Variants in CERS6 observed in about 807,000 individuals in gnomAD.
CERS6 encodes ceramide synthase 6.
In CERS6, 26 loss-of-function variants were observed where a neutral mutation model predicts 56.8. That is an observed-to-expected ratio of 0.46 (90% confidence interval 0.34 to 0.63). The LOEUF is 0.63. CERS6 is among the 30% of genes least tolerant of loss of function. The pLI, the probability that CERS6 is intolerant of heterozygous loss-of-function variation, is 0.01. For synonymous variants in CERS6, 164 were observed against 173.3 expected, an observed-to-expected ratio of 0.95 and a Z score of 0.42; for missense variants, 415 against 467.5, an observed-to-expected ratio of 0.89 and a Z score of 1.04.
At chr2:168,517,408 C>G (rs959662003) in intron 1 of CERS6, among the ~76,000 whole-genome samples, 2 of 151,882 alleles carry the variant, frequency 1.3e-5, no homozygotes, top group African/African-American at 4.8e-5. Context: ...AGGAGAATTG[C>G]TTGAACCCAG....
intron 8 of CERS6, among the ~76,000 whole-genome samples, chr2:168,762,895 A>G (rs1354690473): frequency 4.5e-5 from 3 of 66,182 alleles, no homozygotes; most frequent in African/African-American, 9.0e-5. Flanking sequence ...TTTTTGAGAC[A>G]AGGTCTCTCA....
intron 1 of CERS6, among the ~76,000 whole-genome samples, chr2:168,500,217 T>G (rs1040736258): frequency 6.6e-6 from 1 of 152,228 alleles, no homozygotes; most frequent in African/African-American, 2.4e-5. Context: ...GGATGAAGTT[T>G]TACATTATTT....
chr2:168,742,188 GT>G (rs1371284045), intron 8 of CERS6, among the ~76,000 whole-genome samples: 4 of 152,152 alleles, frequency 2.6e-5, no homozygotes, highest in Non-Finnish European at 5.9e-5. Context: ...TCAATGTGAT[GT>G]TTCATCCCCT....
intron 4 of CERS6, among the ~76,000 whole-genome samples, chr2:168,689,837 C>G (rs909328695): frequency 6.6e-6 from 1 of 152,118 alleles, no homozygotes; most frequent in African/African-American, 2.4e-5. Flanking sequence ...TGGCTTTGTA[C>G]AGGAATCTGG....
At chr2:168,628,955 G>C (rs971969807) in intron 3 of CERS6, among the ~76,000 whole-genome samples, 1 of 151,616 alleles carries the variant, frequency 6.6e-6, no homozygotes, top group Non-Finnish European at 1.5e-5. Flanking sequence ...ACTATATCAG[G>C]GACTGGTAGC....
chr2:168,695,124 C>G (rs1686612834), intron 6 of CERS6, 73 bp downstream of exon 6: 1 of 1,079,344 alleles, frequency 9.3e-7, no homozygotes, highest in Admixed American at 1.8e-5. Flanking sequence ...GGTTTAGACT[C>G]TCAAAGGCAC....
intron 3 of CERS6, among the ~76,000 whole-genome samples, chr2:168,605,071 T>G (rs1192823374): frequency 6.6e-6 from 1 of 152,196 alleles, no homozygotes; most frequent in African/African-American, 2.4e-5. Context: ...GAGGAAAGTT[T>G]GGAACTTCCT....
chr2:168,670,967 C>CCT (rs1491201957), intron 4 of CERS6, among the ~76,000 whole-genome samples: 2 of 10,626 alleles, frequency 1.9e-4, no homozygotes, highest in Admixed American at 1.5e-3. Flanking sequence ...ATACATGCTT[C>CCT]CCCCCCCCCC....
At chr2:168,546,105 G>C (rs1368803628) in intron 1 of CERS6, among the ~76,000 whole-genome samples, 16 of 152,182 alleles carry the variant, frequency 1.1e-4, no homozygotes, top group Admixed American at 1.0e-3. Context: ...ACAAGTTCTA[G>C]ACTCTGTCTT....
At position 168,686,701 on chromosome 2, in the gene CERS6, C is replaced by T. The variant is rs146519069; in HGVS notation, c.466-4333C>T. ...ATTCTTCGTCACCCAGAGTACCCAG[C>T]GGAAGGCACAGTGGAAGAGCCCAGC... is the stretch of plus-strand genomic sequence containing the variant. On this transcript the variant is annotated intron_variant, in intron 4 of 9. Transcript: ENST00000305747. Among the ~76,000 whole-genome samples the T allele has an allele frequency of 6.1e-3, 932 of 152,194 alleles. 5 individuals carry two copies. Among genetic ancestry groups the T allele is most frequent in the Middle Eastern group, 0.014 (4 of 294 alleles).
intron 3 of CERS6, among the ~76,000 whole-genome samples, chr2:168,610,242 G>A (rs936018650): frequency 2.6e-5 from 4 of 152,070 alleles, no homozygotes; most frequent in African/African-American, 9.7e-5. Flanking sequence ...CTCCCAAAGT[G>A]CTGGGATTAC....
chr2:168,680,307 G>C (rs950422612), intron 4 of CERS6, among the ~76,000 whole-genome samples: 9 of 152,204 alleles, frequency 5.9e-5, no homozygotes, highest in Non-Finnish European at 8.8e-5. Flanking sequence ...ATCCAGGCAC[G>C]GGCATCTCAC....
At chr2:168,725,213 C>T (rs887735372) in intron 8 of CERS6, among the ~76,000 whole-genome samples, 7 of 152,276 alleles carry the variant, frequency 4.6e-5, no homozygotes, top group African/African-American at 7.2e-5. Flanking sequence ...GCCAAGCCCA[C>T]GCCCACCCGG....
intron 8 of CERS6, among the ~76,000 whole-genome samples, chr2:168,725,410 G>T (rs1293800313): frequency 1.3e-5 from 2 of 152,278 alleles, no homozygotes; most frequent in Non-Finnish European, 2.9e-5. Context: ...GGCACAGGAG[G>T]CGCCGAGAGC....
chr2:168,650,588 ACT>A (rs1685318813), intron 4 of CERS6, among the ~76,000 whole-genome samples: 1 of 151,680 alleles, frequency 6.6e-6, no homozygotes, highest in Admixed American at 6.6e-5. Context: ...AACTTGAAGT[ACT>A]CTCCCAGCCC....
At chr2:168,760,905 G>A (rs1037496776) in intron 8 of CERS6, among the ~76,000 whole-genome samples, 6 of 152,038 alleles carry the variant, frequency 3.9e-5, no homozygotes, top group South Asian at 2.1e-4. Flanking sequence ...ACAGGCGCCC[G>A]CCACCACGCC....
intron 3 of CERS6, among the ~76,000 whole-genome samples, chr2:168,609,974 G>GTTTTTTTTTTTTTTTTTTTTTTTTTTT (rs5836191): frequency 1.1e-5 from 1 of 93,820 alleles, no homozygotes; most frequent in Non-Finnish European, 1.9e-5. Context: ...AGATGTGACT[G>GTTTTTTTTTTTTTTTTTTTTTTTTTTT]TTTTTTTTTT....
intron 1 of CERS6, among the ~76,000 whole-genome samples, chr2:168,529,651 A>T (rs1223114401): frequency 2.0e-5 from 3 of 152,196 alleles, no homozygotes; most frequent in African/African-American, 7.2e-5. Flanking sequence ...GAGCAGAATG[A>T]CAGGAATCTG....
intron 6 of CERS6, among the ~76,000 whole-genome samples, chr2:168,697,528 A>G (rs911065368): frequency 4.7e-5 from 7 of 150,050 alleles, no homozygotes; most frequent in African/African-American, 1.7e-4. Context: ...AAACTCTTAT[A>G]TAACAGAGAG....
Sources: gnomAD v4.1 joint callset for allele counts (sites outside exome capture counted in the v4.1 genomes callset) on GRCh38, gnomAD v4.1.1 for gene constraint, MANE v1.5 for transcripts, NCBI Gene and HGNC (gene_info 2026-07-23, HGNC 2026-07-21) for gene names.